FOXN3: variants seen among roughly 807,000 people sequenced by gnomAD.
The protein encoded by FOXN3 is forkhead box N3.
FOXN3 carries 7 observed loss-of-function variants against 38.4 expected under a neutral mutation model. The observed-to-expected ratio is 0.18, with a 90% CI of 0.10 to 0.34. The LOEUF (loss-of-function observed/expected upper bound fraction) is 0.34. Among genes scored for constraint, FOXN3 ranks in the 10% least tolerant of loss-of-function variants. The probability of loss-of-function intolerance (pLI) is 1.00; values close to 1 mark genes in which losing one functional copy is unlikely to be tolerated. For missense variants in FOXN3, 456 were observed against 613.4 expected (o/e 0.74, Z 2.71); for synonymous variants, 230 against 242.2 (o/e 0.95, Z 0.47).
chr14:89,386,549 G>A (rs970064146), intron 2 of FOXN3, among the ~76,000 whole-genome samples: 2 of 152,210 alleles, frequency 1.3e-5, no homozygotes, highest in African/African-American at 4.8e-5. Flanking sequence ...AGATTAGACA[G>A]GTCAGGTTAA....
chr14:89,571,581 A>C (rs1895491895), intron 1 of FOXN3, among the ~76,000 whole-genome samples: 1 of 152,192 alleles, frequency 6.6e-6, no homozygotes, highest in Admixed American at 6.5e-5. Context: ...TTTTATATAA[A>C]GATCAGAAAG....
intron 3 of FOXN3, among the ~76,000 whole-genome samples, chr14:89,288,695 T>G (rs1191694138): frequency 1.3e-4 from 14 of 105,970 alleles, no homozygotes; most frequent in Admixed American, 4.1e-4. Flanking sequence ...TCTCTCTCTC[T>G]CTCTCTCTCT....
At chr14:89,359,261 A>C (rs1174186675) in intron 2 of FOXN3, among the ~76,000 whole-genome samples, 3 of 151,776 alleles carry the variant, frequency 2.0e-5, no homozygotes, top group Non-Finnish European at 4.4e-5. Context: ...ACGCCACTGC[A>C]CTCCAGCCTG....
intron 4 of FOXN3, among the ~76,000 whole-genome samples, chr14:89,192,082 A>G (rs891181355): frequency 6.1e-5 from 9 of 146,878 alleles, no homozygotes; most frequent in African/African-American, 2.2e-4. Flanking sequence ...GCTATTATAT[A>G]TAATAGTATA....
At chr14:89,331,040 T>C (rs1888232869) in intron 3 of FOXN3, among the ~76,000 whole-genome samples, 1 of 152,254 alleles carries the variant, frequency 6.6e-6, no homozygotes, top group South Asian at 2.1e-4. Context: ...GAATGTGTGA[T>C]AAAATACACA....
In FOXN3 at chr14:89,465,013, G is replaced by A. The variant is rs117128653; in HGVS notation, c.-14-52523C>T. On this transcript the variant is annotated intron_variant, in intron 1 of 6. Transcript: ENST00000345097. Reference sequence around the variant, plus strand: ...ACCTGACTTCCATGCTGCTTTTCTCGTGACAGTGAGTGAGTTCTCCAGAGA... The same window carrying A: ...ACCTGACTTCCATGCTGCTTTTCTCATGACAGTGAGTGAGTTCTCCAGAGA... 7.8e-4 allele frequency among the ~76,000 whole-genome samples: 119 copies of A among 152,098 alleles called. 3 individuals are homozygous for A. The East Asian group carries it at 0.02, about 26-fold the overall frequency.
In FOXN3 at chr14:89,367,427, C is replaced by A. The variant is rs372189379; in HGVS notation, c.544-16619G>T. ...TCTCCGACCCACATGTGAGAAGCTG[C>A]AGGGACCAAATAACATTGTCAGTGT... On this transcript the variant is annotated intron_variant, in intron 2 of 5. Transcript: ENST00000557258. Among the ~76,000 whole-genome samples the A allele has an allele frequency of 1.9e-4, 29 of 152,310 alleles. 1 individual carries two copies. The South Asian group carries it at 5.4e-3, about 28-fold the overall frequency.
intron 4 of FOXN3, among the ~76,000 whole-genome samples, chr14:89,187,382 T>G (rs1467780210): frequency 6.6e-6 from 1 of 152,202 alleles, no homozygotes; most frequent in African/African-American, 2.4e-5. Context: ...TCATGGGCAG[T>G]GGCAGGACCC....
At chr14:89,239,194 T>C (rs2139864167) in intron 4 of FOXN3, among the ~76,000 whole-genome samples, 1 of 152,322 alleles carries the variant, frequency 6.6e-6, no homozygotes. Flanking sequence ...AATTGGTATC[T>C]CCAAGCAGGC....
chr14:89,482,347 A>G (rs1287402), intron 1 of FOXN3, among the ~76,000 whole-genome samples: 89,106 of 152,098 alleles, frequency 0.59, 28,326 homozygotes, highest in Non-Finnish European at 0.73. Flanking sequence ...GCAGCCGGGC[A>G]CATTGGCTCA....
At chr14:89,194,717 T>TA (rs36091299) in intron 4 of FOXN3, among the ~76,000 whole-genome samples, 2,170 of 146,914 alleles carry the variant, frequency 0.015, 42 homozygotes, top group African/African-American at 0.039. Context: ...GTGCTCACTG[T>TA]AAAAAAAAAA....
chr14:89,599,331 C>T (rs1489625719), intron 1 of FOXN3, among the ~76,000 whole-genome samples: 1 of 152,164 alleles, frequency 6.6e-6, no homozygotes, highest in Non-Finnish European at 1.5e-5. Flanking sequence ...TCCAATCTTA[C>T]AGCATTTCCA....
At chr14:89,477,986 G>A (rs1166226428) in intron 1 of FOXN3, among the ~76,000 whole-genome samples, 1 of 152,092 alleles carries the variant, frequency 6.6e-6, no homozygotes, top group East Asian at 1.9e-4. Context: ...GATATAGTTT[G>A]GATATTTGTC....
Position 89,319,604 on chromosome 14 carries a change from G to A in FOXN3, c.680+31068C>T, listed in dbSNP as rs138241139. Reference sequence around the variant, plus strand: ...CCAGGAGCCCCACTTCTAGGTCTGGGAGTGCTGAGAACCCTCCTGAAATCC... The same window carrying A: ...CCAGGAGCCCCACTTCTAGGTCTGGAAGTGCTGAGAACCCTCCTGAAATCC... On this transcript the variant is annotated intron_variant, in intron 3 of 5. Transcript: ENST00000557258. 3.6e-3 allele frequency among the ~76,000 whole-genome samples: 552 copies of A among 152,206 alleles called. 1 individual carries two copies. The highest frequency in any genetic ancestry group is 6.1e-3 in the Non-Finnish European group (416 of 68,010).
rs1219332829 is a variant in FOXN3 at position 89,163,562 on chromosome 14, A to G, written c.852-593T>C. On this transcript the variant is annotated intron_variant, in intron 5 of 5. Coordinates refer to ENST00000557258, the MANE Select transcript of FOXN3 (RefSeq NM_005197.4). The surrounding 1 kb of genome is among the most constrained non-coding windows in gnomAD (Gnocchi z 4.3). ...TTAGGGAGGGTTCTGGGGGAGGGAC[A>G]CGGGGTTGGATCGGATATAGACACT... 1.3e-5 allele frequency among the ~76,000 whole-genome samples: 2 copies of G among 152,170 alleles called. No individual in the cohort carries two copies. Among genetic ancestry groups the G allele is most frequent in the Admixed American group, 6.5e-5 (1 of 15,274 alleles).
At chr14:89,214,583 C>A (rs535017793) in intron 4 of FOXN3, among the ~76,000 whole-genome samples, 2 of 152,326 alleles carry the variant, frequency 1.3e-5, no homozygotes, top group Non-Finnish European at 2.9e-5. Context: ...AGTCTTCACT[C>A]AATTACGGCC....
intron 2 of FOXN3, chr14:89,353,647 A>C (rs562107756): frequency 5.3e-5 from 8 of 152,256 alleles, no homozygotes; most frequent in Non-Finnish European, 1.2e-4. Context: ...CTGGCTGCTG[A>C]AAGTCTTTTG....
At chr14:89,317,169 G>C (rs1290724966) in intron 3 of FOXN3, among the ~76,000 whole-genome samples, 1 of 152,174 alleles carries the variant, frequency 6.6e-6, no homozygotes, top group Non-Finnish European at 1.5e-5. Flanking sequence ...AAAAGCAATT[G>C]ACAATACTTT....
Position 89,609,067 on chromosome 14 carries a change from C to T in FOXN3, c.-15+9961G>A, listed in dbSNP as rs144536783. Among the ~76,000 whole-genome samples the T allele has an allele frequency of 2.0e-3, 301 of 152,190 alleles. 1 individual carries two copies. Among genetic ancestry groups the T allele is most frequent in the African/African-American group, 6.9e-3 (285 of 41,518 alleles). On this transcript the variant is annotated intron_variant, in intron 1 of 6. Coordinates refer to the FOXN3 transcript ENST00000345097. ...GGCTGGGAAGCTAGAAGGACCACAGCGAGTTCAGGGGTGAAGAGACACTGA... is the reference window on the plus strand; with the variant it reads ...GGCTGGGAAGCTAGAAGGACCACAGTGAGTTCAGGGGTGAAGAGACACTGA...
Sources: gnomAD v4.1 joint callset for allele counts (sites outside exome capture counted in the v4.1 genomes callset) on GRCh38, gnomAD v4.1.1 for gene constraint, Gnocchi (gnomAD v3.1) non-coding constraint, MANE v1.5 for transcripts, NCBI Gene and HGNC (gene_info 2026-07-23, HGNC 2026-07-21) for gene names.